The following SCN8A variants were observed in gnomAD, a reference collection of about 807,000 sequenced individuals.
SCN8A encodes the protein sodium voltage-gated channel alpha subunit 8.
SCN8A carries 30 observed loss-of-function variants against 184.1 expected under a neutral mutation model. The ratio of observed to expected loss-of-function variants is 0.16; its 90% confidence interval spans 0.12 to 0.22. The LOEUF (loss-of-function observed/expected upper bound fraction) is 0.22, where lower values mean the gene tolerates loss of function less well. Ranked by LOEUF, SCN8A falls within the 10% of genes least tolerant of loss-of-function variation. SCN8A has a pLI of 1.00. For missense variants in SCN8A, 1,057 were observed against 2,498.9 expected (o/e 0.42, Z 12.30); for synonymous variants, 852 against 907.0 (o/e 0.94, Z 1.09).
chr12:51,756,804 C>T (rs966567737), intron 14 of SCN8A, among the ~76,000 whole-genome samples: 20 of 152,210 alleles, frequency 1.3e-4, no homozygotes, highest in African/African-American at 4.3e-4. Context: ...TGCCCACCTA[C>T]AGCCTTCAGG....
chr12:51,628,059 A>G (rs1338337188), intron 1 of SCN8A, among the ~76,000 whole-genome samples: 1 of 152,218 alleles, frequency 6.6e-6, no homozygotes, highest in Non-Finnish European at 1.5e-5. Flanking sequence ...AATGGAGTTG[A>G]TAAAAAGGAC....
intron 1 of SCN8A, among the ~76,000 whole-genome samples, chr12:51,649,231 C>A (rs1294896995): frequency 6.6e-6 from 1 of 152,190 alleles, no homozygotes; most frequent in Admixed American, 6.5e-5. Context: ...CAGGGTACAG[C>A]CTTCTTCCCA....
intron 1 of SCN8A, among the ~76,000 whole-genome samples, chr12:51,602,297 T>C (rs939974955): frequency 1.3e-5 from 2 of 152,236 alleles, no homozygotes; most frequent in African/African-American, 4.8e-5. Flanking sequence ...TGTATAGTTA[T>C]TATGTGTCAA....
At chr12:51,776,948 T>A (rs1419538350) in intron 20 of SCN8A, among the ~76,000 whole-genome samples, 1 of 152,242 alleles carries the variant, frequency 6.6e-6, no homozygotes, top group Non-Finnish European at 1.5e-5. Context: ...CTTTTATTTA[T>A]AATCCATATG....
chr12:51,756,608 T>A (rs1942678695), intron 14 of SCN8A, among the ~76,000 whole-genome samples: 1 of 152,238 alleles, frequency 6.6e-6, no homozygotes, highest in Non-Finnish European at 1.5e-5. Context: ...CTCATACCAC[T>A]TCCAACTGCC....
chr12:51,633,037 TGTG>T (rs2138618064), intron 1 of SCN8A, among the ~76,000 whole-genome samples: 1 of 152,328 alleles, frequency 6.6e-6, no homozygotes, highest in African/African-American at 2.4e-5. Flanking sequence ...GAGATTCAAA[TGTG>T]GTAATATATG....
chr12:51,611,660 ATTT>A (rs1472674340), intron 1 of SCN8A, among the ~76,000 whole-genome samples: 1 of 151,720 alleles, frequency 6.6e-6, no homozygotes, highest in African/African-American at 2.4e-5. Flanking sequence ...TGCCTGGCTA[ATTT>A]TTGTATTTTT....
chr12:51,710,381 G>C (rs1941854576), intron 11 of SCN8A, among the ~76,000 whole-genome samples: 1 of 152,122 alleles, frequency 6.6e-6, no homozygotes, highest in African/African-American at 2.4e-5. Context: ...AAAATGTCCT[G>C]TTGGCCAGCA....
Position 51,682,614 on chromosome 12 carries a change from C to G in SCN8A, c.277-1560C>G, listed in dbSNP as rs116360524. Among the ~76,000 whole-genome samples the G allele has an allele frequency of 2.0e-3, 304 of 152,234 alleles. 1 individual carries two copies. Among genetic ancestry groups the G allele is most frequent in the African/African-American group, 7.2e-3 (300 of 41,530 alleles). Reference sequence around the variant, plus strand: ...GTTATCATTAGGTAATGAGATGGAACTTGGTCTTATGTTCCTTTTTTCTTT... The same window carrying G: ...GTTATCATTAGGTAATGAGATGGAAGTTGGTCTTATGTTCCTTTTTTCTTT... On this transcript the variant is annotated intron_variant, in intron 2 of 26. Transcript: ENST00000627620.
At chr12:51,655,498 C>T (rs1216778783) in intron 1 of SCN8A, among the ~76,000 whole-genome samples, 1 of 152,082 alleles carries the variant, frequency 6.6e-6, no homozygotes, top group Non-Finnish European at 1.5e-5. Flanking sequence ...CCTCCCATCT[C>T]AGCCTCCCCA....
intron 1 of SCN8A, among the ~76,000 whole-genome samples, chr12:51,621,664 T>G (rs991862470): frequency 2.0e-5 from 3 of 152,218 alleles, no homozygotes; most frequent in African/African-American, 7.2e-5. Context: ...TTTAATTCTG[T>G]GTCAGAGCAG....
rs749279783 is a variant in SCN8A, at chr12:51,655,019, C to T, written c.-54-7745C>T. Among the ~76,000 whole-genome samples the T allele has an allele frequency of 3.5e-4, 53 of 152,168 alleles. 1 individual carries two copies. Among genetic ancestry groups the T allele is most frequent in the Non-Finnish European group, 1.3e-4 (9 of 68,024 alleles). ...GGTTCAAGCGATTCTGGTGCTTTAG[C>T]TACCCAAGTAGTTTGGATTACAGGC... On this transcript the variant is annotated intron_variant, in intron 1 of 26. Coordinates refer to ENST00000627620, the MANE Select transcript of SCN8A (RefSeq NM_001330260.2).
intron 2 of SCN8A, among the ~76,000 whole-genome samples, chr12:51,673,374 C>G (rs1432234977): frequency 6.6e-6 from 1 of 152,124 alleles, no homozygotes; most frequent in Non-Finnish European, 1.5e-5. Flanking sequence ...AGTCCTGGAG[C>G]CAATTCCCCG....
At chr12:51,780,368 T>C in intron 20 of SCN8A, 1 of 346,736 alleles carries the variant, frequency 2.9e-6, no homozygotes, top group South Asian at 2.4e-5. Context: ...CCAACTTGTG[T>C]GTATGTTCTA....
intron 20 of SCN8A, 67 bp from the exon 21 acceptor site, chr12:51,780,561 CTTTCTTTTTTTTTTTTTTTTT>C (rs1937871189): frequency 4.4e-6 from 2 of 457,856 alleles, no homozygotes; most frequent in African/African-American, 2.2e-4. Context: ...CCTCTGTTTT[CTTTCTTTTTTTTTTTTTTTTT>C]TTTTTTTTTT....
At chr12:51,724,975 C>T (rs1384342617) in intron 12 of SCN8A, among the ~76,000 whole-genome samples, 1 of 152,014 alleles carries the variant, frequency 6.6e-6, no homozygotes, top group African/African-American at 2.4e-5. Flanking sequence ...CTATAAAGGT[C>T]TGCATTTGGG....
chr12:51,592,090 A>T (rs1267739315), intron 1 of SCN8A, among the ~76,000 whole-genome samples: 2 of 83,088 alleles, frequency 2.4e-5, no homozygotes, highest in African/African-American at 9.9e-5. Context: ...CCCGATGCAG[A>T]GCTTGTTCCT....
intron 2 of SCN8A, among the ~76,000 whole-genome samples, chr12:51,679,115 C>T (rs1276624493): frequency 6.6e-6 from 1 of 151,354 alleles, no homozygotes; most frequent in African/African-American, 2.4e-5. Context: ...AAGCTACTCA[C>T]CCCAGGTGCA....
At chr12:51,787,348 ATAAT>A (rs1165764751) in intron 22 of SCN8A, among the ~76,000 whole-genome samples, 1 of 152,202 alleles carries the variant, frequency 6.6e-6, no homozygotes, top group African/African-American at 2.4e-5. Flanking sequence ...AACTATCTAG[ATAAT>A]TTTCTTTTGC....
Sources: allele counts gnomAD v4.1 joint callset (sites outside exome capture counted in the v4.1 genomes callset), GRCh38; gene constraint gnomAD v4.1.1; transcripts MANE v1.5; gene names NCBI Gene and HGNC (gene_info 2026-07-23, HGNC 2026-07-21).